The following CALN1 variants were observed in gnomAD, a reference collection of about 807,000 sequenced individuals.
CALN1 encodes calneuron 1, also known as calcium-binding protein 8.
Under a neutral mutation model 30.6 loss-of-function variants are expected in CALN1, and 17 were observed. That is an observed-to-expected ratio of 0.56 (90% CI 0.38 to 0.83). CALN1 has a LOEUF of 0.83. Among genes scored for constraint, CALN1 ranks in the 40% least tolerant of loss-of-function variants. The probability of loss-of-function intolerance (pLI) is 0.00; values close to 1 mark genes in which losing one functional copy is unlikely to be tolerated. For missense variants in CALN1, 291 were observed against 354.9 expected, an observed-to-expected ratio of 0.82 and a Z score of 1.45; for synonymous variants, 156 against 131.4, an observed-to-expected ratio of 1.19 and a Z score of -1.28.
chr7:72,273,501 CTTTTTTTTT>C (rs773609513), intron 3 of CALN1, among the ~76,000 whole-genome samples: 22 of 101,834 alleles, frequency 2.2e-4, no homozygotes, highest in Non-Finnish European at 3.2e-4. Flanking sequence ...AGGCAAGATT[CTTTTTTTTT>C]TTTTTTTTTT....
intron 5 of CALN1, among the ~76,000 whole-genome samples, chr7:71,995,702 G>A (rs1799217890): frequency 6.6e-6 from 1 of 151,984 alleles, no homozygotes; most frequent in Admixed American, 6.6e-5. Context: ...TTCCTTCCCT[G>A]GCAGGCCTGA....
intron 5 of CALN1, among the ~76,000 whole-genome samples, chr7:71,835,394 A>G (rs1789544894): frequency 6.6e-6 from 1 of 152,218 alleles, no homozygotes; most frequent in African/African-American, 2.4e-5. Context: ...GGTAAGTGGT[A>G]GAAATATCTA....
At chr7:71,959,075 G>A (rs1277072304) in intron 5 of CALN1, among the ~76,000 whole-genome samples, 1 of 152,290 alleles carries the variant, frequency 6.6e-6, no homozygotes, top group East Asian at 1.9e-4. Flanking sequence ...GGATGTTCTG[G>A]AAGCTGTGGC....
intron 3 of CALN1, among the ~76,000 whole-genome samples, chr7:72,209,422 TTCCTTCCC>T (rs71069037): frequency 4.6e-5 from 3 of 65,652 alleles, no homozygotes; most frequent in Non-Finnish European, 7.3e-5. Flanking sequence ...CCTTCCCTCT[TTCCTTCCC>T]TCCTTCCCTC....
At chr7:71,991,229 C>T (rs887241648) in intron 5 of CALN1, among the ~76,000 whole-genome samples, 5 of 152,094 alleles carry the variant, frequency 3.3e-5, no homozygotes, top group African/African-American at 4.8e-5. Context: ...GAGGCCAAGG[C>T]GGGCAGATCA....
upstream of CALN1, among the ~76,000 whole-genome samples, chr7:72,450,478 G>A (rs1808637876): frequency 2.6e-5 from 4 of 152,176 alleles, no homozygotes; most frequent in African/African-American, 7.2e-5. Flanking sequence ...CAGCACAGAT[G>A]GCCAACAAGG....
At chr7:71,863,293 C>T (rs932294875) in intron 5 of CALN1, among the ~76,000 whole-genome samples, 2 of 151,624 alleles carry the variant, frequency 1.3e-5, no homozygotes, top group African/African-American at 2.4e-5. Flanking sequence ...CACAGTGGCT[C>T]ACATCTGTAA....
intron 4 of CALN1, among the ~76,000 whole-genome samples, chr7:72,049,678 TTG>T (rs1802708766): frequency 1.3e-5 from 2 of 151,786 alleles, no homozygotes; most frequent in South Asian, 4.2e-4. Flanking sequence ...CGGCTATTTT[TTG>T]TGTTTTTAGT....
In CALN1 at chr7:71,973,323, G is replaced by A. The variant is rs536539418; in HGVS notation, c.501+50334C>T. 5.9e-5 allele frequency among the ~76,000 whole-genome samples: 9 copies of A among 152,124 alleles called. 1 individual carries two copies. In the South Asian group the frequency reaches 1.0e-3, roughly 18 times the overall value. Reference sequence around the variant, plus strand: ...CCCAAGTAGCTGGGATTACATGTGCGCACCATCACGCCGAGCTAATTTTTG... The same window carrying A: ...CCCAAGTAGCTGGGATTACATGTGCACACCATCACGCCGAGCTAATTTTTG... On this transcript the variant is annotated intron_variant, in intron 5 of 6. Transcript: ENST00000395275.
chr7:72,408,671 T>C (rs1349609702), intron 1 of CALN1, among the ~76,000 whole-genome samples: 1 of 87,216 alleles, frequency 1.1e-5, no homozygotes, highest in Non-Finnish European at 2.2e-5. Context: ...ATTATTATCT[T>C]TTCCTTTTTT....
chr7:71,919,283 G>T (rs539937854), intron 5 of CALN1, among the ~76,000 whole-genome samples: 1 of 152,292 alleles, frequency 6.6e-6, no homozygotes, highest in South Asian at 2.1e-4. Context: ...TACATGATAA[G>T]GTACAAACGT....
intron 3 of CALN1, among the ~76,000 whole-genome samples, chr7:72,266,878 A>G (rs571761545): frequency 4.5e-4 from 68 of 152,288 alleles, no homozygotes; most frequent in Non-Finnish European, 7.8e-4. Context: ...TCCACAAAAG[A>G]TATCTTTCTC....
intron 2 of CALN1, among the ~76,000 whole-genome samples, chr7:72,355,989 G>C (rs1400192785): frequency 6.6e-6 from 1 of 152,142 alleles, no homozygotes; most frequent in African/African-American, 2.4e-5. Flanking sequence ...AAAAAATTAT[G>C]GTTGTACAAA....
At chr7:72,147,050 A>G (rs1188175419) in intron 3 of CALN1, among the ~76,000 whole-genome samples, 1 of 152,248 alleles carries the variant, frequency 6.6e-6, no homozygotes, top group Non-Finnish European at 1.5e-5. Flanking sequence ...TTCAGGACAT[A>G]GGCATAGGCA....
rs549885503 is a variant in CALN1 at position 72,261,299 on chromosome 7, C to A, written c.244+17387G>T. On this transcript the variant is annotated intron_variant, in intron 3 of 6. Transcript: ENST00000395275. ...TTCCAGCCTGGGTGACAGAGCGAGA[C>A]TCTGTCTCAAAAAAACAAAAACAAG... 2.0e-5 allele frequency among the ~76,000 whole-genome samples: 3 copies of A among 152,180 alleles called. No individual in the cohort carries two copies. In the East Asian group the frequency reaches 5.8e-4, roughly 29 times the overall value.
intron 5 of CALN1, among the ~76,000 whole-genome samples, chr7:71,821,170 A>G (rs2116318927): frequency 6.6e-6 from 1 of 152,188 alleles, no homozygotes; most frequent in East Asian, 1.9e-4. Flanking sequence ...AAGTCATCAG[A>G]AAGGATGACA....
chr7:71,887,943 T>C (rs1411277529), intron 5 of CALN1, among the ~76,000 whole-genome samples: 1 of 151,910 alleles, frequency 6.6e-6, no homozygotes, highest in African/African-American at 2.4e-5. Context: ...GCATGATTCG[T>C]TCAACCTGGG....
chr7:71,787,592 C>G lies in CALN1; in HGVS notation c.*183G>C. On this transcript the variant is annotated 3_prime_UTR_variant, in exon 7 of 7. Transcript: ENST00000395275. ...GAAGACAGCCCTTTAGTGTCCCTGC[C>G]AAGGAGATGAAGCTGAAGTGCAACC... The G allele has an allele frequency of 1.4e-6, 1 of 694,736 alleles. No individual in the cohort carries two copies. The highest frequency in any genetic ancestry group is 2.3e-6 in the Non-Finnish European group (1 of 441,742). The allele number at this position is 694,736 out of a possible 1,614,324, so 43.0% of individuals were successfully genotyped here.
In CALN1 at chr7:72,028,289, G is replaced by T. The variant is rs143714858; in HGVS notation, c.389-4520C>A. On this transcript the variant is annotated intron_variant, in intron 4 of 6. Transcript: ENST00000395275. ...CAAGACCACCCACCTCTGAAACCTC[G>T]ACTCAGGGTGCAGGGAGCGCAGCAG... Among the ~76,000 whole-genome samples, 72 of 152,120 alleles carry T rather than the reference G, an allele frequency of 4.7e-4. 1 individual carries two copies. The highest frequency in any genetic ancestry group is 1.6e-3 in the African/African-American group (68 of 41,474).
Sources: allele counts gnomAD v4.1 joint callset (sites outside exome capture counted in the v4.1 genomes callset), GRCh38; gene constraint gnomAD v4.1.1; transcripts MANE v1.5; gene names NCBI Gene and HGNC (gene_info 2026-07-23, HGNC 2026-07-21).